CD226: variants seen among roughly 807,000 people sequenced by gnomAD.
CD226 encodes the protein CD226 antigen.
Under a neutral mutation model 34.9 loss-of-function variants are expected in CD226, and 24 were observed. That is an observed-to-expected ratio of 0.69 (90% CI 0.50 to 0.97). The LOEUF (loss-of-function observed/expected upper bound fraction) is 0.97, where lower values mean the gene tolerates loss of function less well. Ranked by LOEUF, CD226 falls within the 50% of genes least tolerant of loss-of-function variation. CD226 has a pLI of 0.00. For synonymous variants in CD226, 148 were observed against 147.4 expected (o/e 1.00, Z -0.03); for missense variants, 397 against 412.7 (o/e 0.96, Z 0.33).
chr18:69,866,569 T>C (rs995382554), intron 5 of CD226, among the ~76,000 whole-genome samples: 1 of 152,208 alleles, frequency 6.6e-6, no homozygotes, highest in Non-Finnish European at 1.5e-5. Context: ...TGAATATCAT[T>C]ACGTTCTTCT....
intron 4 of CD226, among the ~76,000 whole-genome samples, chr18:69,868,803 G>GCACACA (rs56351883): frequency 0.21 from 31,309 of 150,896 alleles, 3,552 homozygotes; most frequent in Middle Eastern, 0.34. Flanking sequence ...GCGCGTGCAC[G>GCACACA]CACACACACA....
intron 2 of CD226, among the ~76,000 whole-genome samples, chr18:69,912,599 T>C (rs1256900250): frequency 6.6e-6 from 1 of 152,214 alleles, no homozygotes; most frequent in African/African-American, 2.4e-5. Context: ...TCACCTCTGA[T>C]TTGCTCAGGG....
At chr18:69,873,507 T>C (rs1320504511) in intron 3 of CD226, among the ~76,000 whole-genome samples, 2 of 151,588 alleles carry the variant, frequency 1.3e-5, no homozygotes, top group African/African-American at 4.8e-5. Flanking sequence ...ATAAAGAGCA[T>C]GCGTTTGCCA....
At chr18:69,879,583 C>T (rs149948169) in intron 3 of CD226, among the ~76,000 whole-genome samples, 2,536 of 152,232 alleles carry the variant, frequency 0.017, 36 homozygotes, top group Middle Eastern at 0.051. Context: ...CTTAAGGTGC[C>T]CAGATTTCAT....
Position 69,947,086 on chromosome 18 carries a change from C to G in CD226, c.47-17G>C. ...CACATAGAGCTGAAATATACAACAT[C>G]ACATTAATTGTTAGCCTTGATGATG... On this transcript the variant is annotated splice_polypyrimidine_tract_variant and intron_variant, in intron 1 of 5. Coordinates refer to ENST00000582621, the MANE Select transcript of CD226 (RefSeq NM_001303618.2). 1 of 1,586,920 alleles carries G rather than the reference C, an allele frequency of 6.3e-7. No individual in the cohort carries two copies. The highest frequency in any genetic ancestry group is 8.6e-7 in the Non-Finnish European group (1 of 1,157,086).
intron 2 of CD226, among the ~76,000 whole-genome samples, chr18:69,904,181 G>A (rs897415946): frequency 1.3e-5 from 2 of 152,228 alleles, no homozygotes; most frequent in African/African-American, 2.4e-5. Flanking sequence ...AAGCCATCAT[G>A]AAGGAAAGCC....
At chr18:69,875,880 G>C (rs1983833873) in intron 3 of CD226, among the ~76,000 whole-genome samples, 1 of 152,226 alleles carries the variant, frequency 6.6e-6, no homozygotes, top group Non-Finnish European at 1.5e-5. Flanking sequence ...TAGAAGCAGG[G>C]AATAGAACAG....
rs1982704422 is a variant in CD226 at position 69,859,202 on chromosome 18, T to C, written c.*5112A>G. On this transcript the variant is annotated 3_prime_UTR_variant, in exon 6 of 6. Transcript: ENST00000582621. ...ATGAAGGGAGACACCAGGATGGCAG[T>C]TGTGTGCCTCTCCTTCTAGCCCCAA... 6.6e-6 allele frequency: 1 copy of C among 152,180 alleles called. No individual in the cohort carries two copies. The highest frequency in any genetic ancestry group is 2.4e-5 in the African/African-American group (1 of 41,440). The allele number at this position is 152,180 out of a possible 1,614,324, so 9.4% of individuals were successfully genotyped here.
At chr18:69,897,915 C>T (rs894274025) in intron 2 of CD226, among the ~76,000 whole-genome samples, 1 of 152,126 alleles carries the variant, frequency 6.6e-6, no homozygotes, top group African/African-American at 2.4e-5. Context: ...CCAGCTTTCT[C>T]CTCTGTACAA....
chr18:69,894,036 A>G (rs1568174449), intron 3 of CD226, among the ~76,000 whole-genome samples: 1 of 151,910 alleles, frequency 6.6e-6, no homozygotes, highest in Admixed American at 6.6e-5. Context: ...AAGGTAAATT[A>G]GCTGGCTGAA....
rs1463079591 is a variant in CD226, at chr18:69,864,249, T to C, written c.*65A>G. Reference sequence around the variant, plus strand: ...GTAGACCTTGGGTAGTGGAAAAAAATTGCATAAAGATCCATGCATGAGTAC... The same window carrying C: ...GTAGACCTTGGGTAGTGGAAAAAAACTGCATAAAGATCCATGCATGAGTAC... On this transcript the variant is annotated 3_prime_UTR_variant, in exon 6 of 6. Transcript: ENST00000582621. 24 of 1,534,346 alleles carry C rather than the reference T, an allele frequency of 1.6e-5. No individual in the cohort carries two copies. The highest frequency in any genetic ancestry group is 2.0e-5 in the Non-Finnish European group (22 of 1,118,540).
chr18:69,863,703 T>C lies in CD226; in HGVS notation c.*611A>G, dbSNP rs1360372481. 6.6e-6 allele frequency: 1 copy of C among 152,256 alleles called. No individual in the cohort carries two copies. The highest frequency in any genetic ancestry group is 2.4e-5 in the African/African-American group (1 of 41,456). 9.4% of individuals were successfully genotyped at this position (152,256 alleles called of 1,614,324 possible). On this transcript the variant is annotated 3_prime_UTR_variant, in exon 6 of 6. Transcript: ENST00000582621. ...AGACTCCCCTTTCCTCTTCTAACCA[T>C]GCTCTGAATTGCCCAGTATTGTGCT...
intron 2 of CD226, among the ~76,000 whole-genome samples, chr18:69,908,177 A>G (rs950110114): frequency 6.6e-6 from 1 of 152,224 alleles, no homozygotes; most frequent in Non-Finnish European, 1.5e-5. Flanking sequence ...ATAACAAAGT[A>G]CTGCACTTGC....
chr18:69,878,543 G>C (rs1282108535), intron 3 of CD226, among the ~76,000 whole-genome samples: 3 of 152,136 alleles, frequency 2.0e-5, no homozygotes, highest in African/African-American at 7.2e-5. Flanking sequence ...TGGGGGTGGA[G>C]TTAGGGAGTG....
intron 2 of CD226, among the ~76,000 whole-genome samples, chr18:69,926,388 A>G (rs1050618545): frequency 2.6e-5 from 4 of 152,016 alleles, no homozygotes; most frequent in Non-Finnish European, 5.9e-5. Context: ...TTTCCATCCA[A>G]CTTGAACAAT....
chr18:69,907,637 T>C (rs751318408), intron 2 of CD226, among the ~76,000 whole-genome samples: 1 of 152,124 alleles, frequency 6.6e-6, no homozygotes, highest in Non-Finnish European at 1.5e-5. Context: ...TAACATGACC[T>C]GAGTCAATGA....
upstream of CD226, among the ~76,000 whole-genome samples, chr18:69,950,134 TCA>T (rs751237470): frequency 2.0e-5 from 3 of 150,092 alleles, no homozygotes; most frequent in South Asian, 4.3e-4. Flanking sequence ...ACACACAATC[TCA>T]CACAATCACA....
chr18:69,908,314 C>A (rs909640606), intron 2 of CD226, among the ~76,000 whole-genome samples: 1 of 152,192 alleles, frequency 6.6e-6, no homozygotes, highest in Non-Finnish European at 1.5e-5. Context: ...CACCATGTTT[C>A]AAAAGCTTGC....
chr18:69,886,969 A>G (rs1984593280), intron 3 of CD226, among the ~76,000 whole-genome samples: 2 of 152,204 alleles, frequency 1.3e-5, no homozygotes, highest in South Asian at 4.1e-4. Context: ...AGAAATAATA[A>G]CTAGGAATAA....
Sources: allele counts gnomAD v4.1 joint callset (sites outside exome capture counted in the v4.1 genomes callset), GRCh38; gene constraint gnomAD v4.1.1; transcripts MANE v1.5; gene names NCBI Gene and HGNC (gene_info 2026-07-23, HGNC 2026-07-21).